ACSBG2: variants seen among roughly 807,000 people sequenced by gnomAD.
ACSBG2 encodes long-chain-fatty-acid--CoA ligase ACSBG2.
In ACSBG2, 62 loss-of-function variants were observed where a neutral mutation model predicts 74.7. The ratio of observed to expected loss-of-function variants is 0.83; its 90% CI spans 0.68 to 1.03. ACSBG2 has a LOEUF of 1.03. Ranked by LOEUF, ACSBG2 falls within the 50% of genes least tolerant of loss-of-function variation. ACSBG2 has a pLI of 0.00. For synonymous variants in ACSBG2, 309 were observed against 294.1 expected (o/e 1.05, Z -0.52); for missense variants, 730 against 817.6 (o/e 0.89, Z 1.31).
chr19:6,158,364 C>T (rs2089493227), intron 5 of ACSBG2, among the ~76,000 whole-genome samples: 1 of 151,480 alleles, frequency 6.6e-6, no homozygotes. Flanking sequence ...GCCTTGGTTA[C>T]AATTTTCTTT....
At chr19:6,176,850 TA>T (rs1442929457) in intron 7 of ACSBG2, among the ~76,000 whole-genome samples, 1 of 152,138 alleles carries the variant, frequency 6.6e-6, no homozygotes, top group African/African-American at 2.4e-5. Flanking sequence ...TTTATTTAGC[TA>T]AATACATTTA....
intron 1 of ACSBG2, among the ~76,000 whole-genome samples, chr19:6,139,094 T>A (rs1568212882): frequency 0.061 from 9,154 of 150,102 alleles, 877 homozygotes; most frequent in African/African-American, 0.21. Flanking sequence ...TTAAACTTAT[T>A]TTTTTTTTTT....
At chr19:6,148,737 T>C (rs529126674) in intron 3 of ACSBG2, among the ~76,000 whole-genome samples, 2 of 152,090 alleles carry the variant, frequency 1.3e-5, no homozygotes, top group African/African-American at 4.8e-5. Flanking sequence ...CTAGTTCATC[T>C]CTCCTGAAAG....
intron 4 of ACSBG2, 137 bp downstream of exon 4, chr19:6,151,932 G>A (rs575772154): frequency 4.4e-5 from 32 of 720,266 alleles, no homozygotes; most frequent in Non-Finnish European, 6.3e-5. Context: ...ATAGATGCAC[G>A]AACAAATCAT....
chr19:6,146,619 G>A (rs1381934329), intron 2 of ACSBG2, among the ~76,000 whole-genome samples: 1 of 151,758 alleles, frequency 6.6e-6, no homozygotes, highest in Non-Finnish European at 1.5e-5. Context: ...TATAAAATTA[G>A]CGAGGCGTGG....
chr19:6,175,498 G>C (rs1428397374), intron 7 of ACSBG2: 1 of 152,216 alleles, frequency 6.6e-6, no homozygotes, highest in Non-Finnish European at 1.5e-5. Context: ...TTCTAAGGAA[G>C]TGACATTTCA....
At chr19:6,141,186 G>A (rs1038741920) in intron 1 of ACSBG2, among the ~76,000 whole-genome samples, 1 of 152,158 alleles carries the variant, frequency 6.6e-6, no homozygotes, top group Admixed American at 6.6e-5. Context: ...TTTAAGAGAA[G>A]ATAAATGTGT....
chr19:6,152,453 G>C lies in ACSBG2; in HGVS notation c.386+658G>C, dbSNP rs1258602654. On this transcript the variant is annotated intron_variant, in intron 4 of 14. Transcript: ENST00000588485. Reference sequence around the variant, plus strand: ...CTACAGGCGCCCGCCACCGCGCCCGGCTAATTTTTTGTATTTTTAGTAGAG... The same window carrying C: ...CTACAGGCGCCCGCCACCGCGCCCGCCTAATTTTTTGTATTTTTAGTAGAG... 6.7e-5 allele frequency among the ~76,000 whole-genome samples: 5 copies of C among 74,180 alleles called. 2 individuals are homozygous for C. Among genetic ancestry groups the C allele is most frequent in the Non-Finnish European group, 1.5e-4 (5 of 33,102 alleles). The allele number at this position is 74,180 out of a possible 152,430, so 48.7% of individuals were successfully genotyped here.
intron 14 of ACSBG2, chr19:6,192,099 G>C (rs962059391): frequency 6.0e-5 from 7 of 117,322 alleles, no homozygotes; most frequent in African/African-American, 2.7e-4. Flanking sequence ...AAAAAAAATA[G>C]AATATACAAT....
chr19:6,144,664 C>A (rs1449792433), intron 2 of ACSBG2, among the ~76,000 whole-genome samples: 1 of 152,036 alleles, frequency 6.6e-6, no homozygotes, highest in Non-Finnish European at 1.5e-5. Context: ...ATCAGTCATA[C>A]CAGTGTCTGT....
Position 6,180,459 on chromosome 19 carries a change from G to A in ACSBG2, c.907-2292G>A, listed in dbSNP as rs1054014336. 6.6e-6 allele frequency among the ~76,000 whole-genome samples: 1 copy of A among 152,160 alleles called. No individual in the cohort carries two copies. The highest frequency in any genetic ancestry group is 2.4e-5 in the African/African-American group (1 of 41,410). ...CTCATATGCCCCATGCTCAGTGCCTGAGATGTGTTAGGTCTTCAATACATA... is the reference window on the plus strand; with the variant it reads ...CTCATATGCCCCATGCTCAGTGCCTAAGATGTGTTAGGTCTTCAATACATA... On this transcript the variant is annotated intron_variant, in intron 8 of 14. Transcript: ENST00000588485. This position sits in a 1 kb window ranked among gnomAD's most constrained non-coding sequence, Gnocchi z 4.3.
Position 6,174,942 on chromosome 19 carries a change from A to C in ACSBG2, c.739-2287A>C, listed in dbSNP as rs770501290. The stretch of plus-strand genomic sequence containing the variant: ...ATAAACACATTTTAACTCCCCACTA[A>C]AACCCCACGAGGAAAATTTTGTCAC... On this transcript the variant is annotated intron_variant, in intron 7 of 14. Transcript: ENST00000588485. The surrounding 1 kb of genome is among the most constrained non-coding windows in gnomAD (Gnocchi z 4.2). 1.3e-5 allele frequency among the ~76,000 whole-genome samples: 2 copies of C among 152,204 alleles called. No individual in the cohort carries two copies. Among genetic ancestry groups the C allele is most frequent in the Non-Finnish European group, 2.9e-5 (2 of 68,026 alleles).
At chr19:6,136,444 T>C (rs1599959785) in intron 1 of ACSBG2, among the ~76,000 whole-genome samples, 1 of 151,138 alleles carries the variant, frequency 6.6e-6, no homozygotes, top group Admixed American at 6.6e-5. Flanking sequence ...GCCAGGCTGG[T>C]CTTGAACTTC....
intron 7 of ACSBG2, chr19:6,176,176 G>T: frequency 3.1e-6 from 2 of 638,324 alleles, no homozygotes; most frequent in Non-Finnish European, 4.7e-6. Flanking sequence ...TAGACCTAGG[G>T]CTTTACCCAA....
chr19:6,149,951 T>A (rs988785535), intron 3 of ACSBG2, among the ~76,000 whole-genome samples: 21 of 151,700 alleles, frequency 1.4e-4, no homozygotes, highest in East Asian at 5.8e-4. Context: ...TAATTTTTTT[T>A]AAATTAGACT....
chr19:6,146,800 A>AT (rs2089051325), intron 2 of ACSBG2, among the ~76,000 whole-genome samples: 1 of 148,528 alleles, frequency 6.7e-6, no homozygotes, highest in South Asian at 2.2e-4. Context: ...AATAATAATA[A>AT]AAAAAATAAG....
At chr19:6,151,619 A>T (rs1298516050) in intron 3 of ACSBG2, 88 bp from the exon 4 acceptor site, 1 of 1,336,942 alleles carries the variant, frequency 7.5e-7, no homozygotes, top group African/African-American at 1.5e-5. Flanking sequence ...CCTCCATGTG[A>T]CTACCTTTGA....
chr19:6,146,620 C>T lies in ACSBG2; in HGVS notation c.68-826C>T, dbSNP rs146426775. On this transcript the variant is annotated intron_variant, in intron 2 of 14. Transcript: ENST00000588485. ...ATCTCTACTAAAAATATAAAATTAGCGAGGCGTGGTGGTGCATGCCTGTAA... is the reference window on the plus strand; with the variant it reads ...ATCTCTACTAAAAATATAAAATTAGTGAGGCGTGGTGGTGCATGCCTGTAA... Among the ~76,000 whole-genome samples the T allele has an allele frequency of 7.2e-3, 1,088 of 151,758 alleles. 7 individuals carry two copies. The highest frequency in any genetic ancestry group is 0.011 in the Non-Finnish European group (728 of 67,944).
chr19:6,155,647 A>G (rs919888426), intron 4 of ACSBG2, among the ~76,000 whole-genome samples: 1 of 151,900 alleles, frequency 6.6e-6, no homozygotes, highest in African/African-American at 2.4e-5. Flanking sequence ...AAAATTAGCC[A>G]GGTGTGGTGG....
Sources: gnomAD v4.1 joint callset for allele counts (sites outside exome capture counted in the v4.1 genomes callset) on GRCh38, gnomAD v4.1.1 for gene constraint, Gnocchi (gnomAD v3.1) non-coding constraint, MANE v1.5 for transcripts, NCBI Gene and HGNC (gene_info 2026-07-23, HGNC 2026-07-21) for gene names.